Variants in PRELID2 observed in about 807,000 individuals in gnomAD.
PRELID2 encodes the protein PRELI domain-containing protein 2.
PRELID2 carries 25 observed loss-of-function variants against 28.4 expected under a neutral mutation model. The ratio of observed to expected loss-of-function variants is 0.88; its 90% confidence interval spans 0.64 to 1.23. PRELID2 has a LOEUF of 1.23. Among genes scored for constraint, PRELID2 ranks in the 50% most tolerant of loss-of-function variants. PRELID2 has a pLI of 0.00. For synonymous variants in PRELID2, 76 were observed against 71.6 expected, an observed-to-expected ratio of 1.06 and a Z score of -0.31; for missense variants, 201 against 214.4, an observed-to-expected ratio of 0.94 and a Z score of 0.39.
chr5:145,828,245 C>A (rs535675942), intron 1 of PRELID2, among the ~76,000 whole-genome samples: 1 of 152,034 alleles, frequency 6.6e-6, no homozygotes, highest in South Asian at 2.1e-4. Flanking sequence ...TTAAAGGAAA[C>A]AATTTAATTA....
intron 1 of PRELID2, among the ~76,000 whole-genome samples, chr5:145,731,096 A>G (rs1203912093): frequency 2.6e-5 from 4 of 152,242 alleles, no homozygotes; most frequent in Non-Finnish European, 4.4e-5. Context: ...TTTAACTGCC[A>G]GCTGCATTTC....
intron 1 of PRELID2, among the ~76,000 whole-genome samples, chr5:145,639,952 T>C (rs1013074117): frequency 1.4e-4 from 22 of 152,192 alleles, no homozygotes; most frequent in Non-Finnish European, 8.8e-5. Flanking sequence ...AAAGGGCATG[T>C]GTTTTTCAGT....
chr5:145,651,402 T>TA (rs1754294940), intron 1 of PRELID2, among the ~76,000 whole-genome samples: 1 of 152,094 alleles, frequency 6.6e-6, no homozygotes, highest in African/African-American at 2.4e-5. Flanking sequence ...CAGCATTGAA[T>TA]AGAGTAGTGG....
rs1654236 is a variant in PRELID2, at chr5:145,729,266, A to T, written n.70+35665T>A. The T allele has an allele frequency of 5.7e-6, 6 of 1,052,590 alleles. No individual in the cohort carries two copies. In the East Asian group the frequency reaches 1.5e-4, roughly 26 times the overall value. The allele number at this position is 1,052,590 out of a possible 1,614,324, so 65.2% of individuals were successfully genotyped here. A position where few individuals can be genotyped will look rare whatever the true frequency, so the allele number is the denominator to read the frequency against. On this transcript the variant is annotated intron_variant and non_coding_transcript_variant, in intron 1 of 2. Coordinates refer to the PRELID2 transcript ENST00000510259. ...ATGCTGCAAAAATTGCTAACATACC[A>T]AAATCAAGCATATTCCACAACTCAA...
intron 1 of PRELID2, among the ~76,000 whole-genome samples, chr5:145,705,543 A>G (rs969001196): frequency 3.3e-5 from 5 of 152,150 alleles, no homozygotes; most frequent in African/African-American, 1.2e-4. Flanking sequence ...ATGATTTTGG[A>G]GATGATATTT....
chr5:145,468,858 T>C (rs986035128), downstream of PRELID2, among the ~76,000 whole-genome samples: 5 of 152,218 alleles, frequency 3.3e-5, no homozygotes, highest in Non-Finnish European at 7.3e-5. Context: ...TCTCCCATTC[T>C]GTAGGTTGCC....
chr5:145,230,342 C>G, the PRELID2 span, among the ~76,000 whole-genome samples: 2 of 151,964 alleles, frequency 1.3e-5, no homozygotes, highest in African/African-American at 4.8e-5. Context: ...GGGAGGCTGA[C>G]GTGGGTGGAT....
the PRELID2 span, among the ~76,000 whole-genome samples, chr5:145,275,316 A>G: frequency 6.6e-6 from 1 of 152,142 alleles, no homozygotes; most frequent in African/African-American, 2.4e-5. Context: ...GGGATTGTAT[A>G]TAAACACATT....
the PRELID2 span, among the ~76,000 whole-genome samples, chr5:145,261,567 G>T: frequency 1.3e-5 from 2 of 152,108 alleles, no homozygotes; most frequent in African/African-American, 4.8e-5. Flanking sequence ...AGCTCCACTG[G>T]GTAGCTAGAT....
chr5:145,598,237 C>A (rs1049841621), intron 1 of PRELID2, among the ~76,000 whole-genome samples: 12 of 151,994 alleles, frequency 7.9e-5, no homozygotes, highest in African/African-American at 2.9e-4. Flanking sequence ...CCAGTGAAGT[C>A]GAAGTTTTAC....
At chr5:145,294,609 G>A in the PRELID2 span, among the ~76,000 whole-genome samples, 1 of 151,968 alleles carries the variant, frequency 6.6e-6, no homozygotes, top group Non-Finnish European at 1.5e-5. Context: ...TTGGACACCC[G>A]CTAAAGTTTG....
At chr5:145,417,823 T>G in the PRELID2 span, among the ~76,000 whole-genome samples, 1 of 152,192 alleles carries the variant, frequency 6.6e-6, no homozygotes, top group African/African-American at 2.4e-5. Context: ...GGCATTCCTC[T>G]TGAAAACCAG....
At chr5:145,345,903 G>A in the PRELID2 span, among the ~76,000 whole-genome samples, 3 of 152,124 alleles carry the variant, frequency 2.0e-5, no homozygotes, top group African/African-American at 7.2e-5. Context: ...ACACTGTGGG[G>A]GGAGGCATTT....
the PRELID2 span, among the ~76,000 whole-genome samples, chr5:145,366,345 G>T: frequency 1.3e-5 from 2 of 151,900 alleles, no homozygotes; most frequent in Non-Finnish European, 2.9e-5. Flanking sequence ...AAAAAGGGCC[G>T]ATTATTTCCC....
intron 1 of PRELID2, among the ~76,000 whole-genome samples, chr5:145,749,333 A>T (rs1288484208): frequency 6.6e-6 from 1 of 152,258 alleles, no homozygotes; most frequent in African/African-American, 2.4e-5. Flanking sequence ...TCAAAAGAAG[A>T]CATTTATGCA....
At chr5:145,550,181 G>A (rs754650960) in intron 1 of PRELID2, among the ~76,000 whole-genome samples, 7 of 152,176 alleles carry the variant, frequency 4.6e-5, no homozygotes, top group Non-Finnish European at 8.8e-5. Context: ...GAACCCTGTG[G>A]TATGAACTAG....
chr5:145,275,646 G>A, the PRELID2 span, among the ~76,000 whole-genome samples: 1 of 152,166 alleles, frequency 6.6e-6, no homozygotes, highest in Non-Finnish European at 1.5e-5. Context: ...AAGTATGATT[G>A]CTGGGGAGAA....
At chr5:145,530,806 C>T (rs1318357546) in intron 1 of PRELID2, among the ~76,000 whole-genome samples, 1 of 151,950 alleles carries the variant, frequency 6.6e-6, no homozygotes, top group Non-Finnish European at 1.5e-5. Context: ...AGGAGAGCAG[C>T]TGTAATAGTC....
the PRELID2 span, among the ~76,000 whole-genome samples, chr5:145,458,320 A>C: frequency 6.6e-6 from 1 of 152,248 alleles, no homozygotes; most frequent in Admixed American, 6.5e-5. Flanking sequence ...ATTGGAATTC[A>C]GCTAGTAAAA....
Sources: gnomAD v4.1 joint callset for allele counts (sites outside exome capture counted in the v4.1 genomes callset) on GRCh38, gnomAD v4.1.1 for gene constraint, MANE v1.5 for transcripts, NCBI Gene and HGNC (gene_info 2026-07-23, HGNC 2026-07-21) for gene names.